The following SDCCAG8 variants were observed in gnomAD, a reference collection of about 807,000 sequenced individuals.
SDCCAG8 encodes the protein SHH signaling and ciliogenesis regulator SDCCAG8.
In SDCCAG8, 74 loss-of-function variants were observed where a neutral mutation model predicts 101.8. The observed-to-expected ratio is 0.73, with a 90% CI of 0.60 to 0.88. The LOEUF is 0.88. SDCCAG8 is among the 40% of genes least tolerant of loss of function. SDCCAG8 has a pLI of 0.00. For synonymous variants in SDCCAG8, 281 were observed against 292.9 expected (o/e 0.96, Z 0.41); for missense variants, 787 against 822.6 (o/e 0.96, Z 0.53).
At chr1:243,466,861 G>A (rs761239023) in intron 16 of SDCCAG8, among the ~76,000 whole-genome samples, 5 of 152,324 alleles carry the variant, frequency 3.3e-5, no homozygotes, top group South Asian at 4.1e-4. Context: ...GGTACAACCC[G>A]GGACTATTGC....
chr1:243,462,736 G>A (rs1659376603), intron 16 of SDCCAG8, among the ~76,000 whole-genome samples: 2 of 152,230 alleles, frequency 1.3e-5, no homozygotes, highest in Non-Finnish European at 2.9e-5. Flanking sequence ...AACAGCTTTA[G>A]CAATATCATA....
chr1:243,306,768 C>T lies in SDCCAG8; in HGVS notation c.741-1221C>T, dbSNP rs182796754. Among the ~76,000 whole-genome samples, 165 of 152,098 alleles carry T rather than the reference C, an allele frequency of 1.1e-3. 2 individuals carry two copies. Among genetic ancestry groups the T allele is most frequent in the African/African-American group, 3.9e-3 (161 of 41,502 alleles). Reference sequence around the variant, plus strand: ...GTTATTATTTTGGGGATAGGGTAGACGCAGCTCATTTTTCTTCCCCTCAAC... The same window carrying T: ...GTTATTATTTTGGGGATAGGGTAGATGCAGCTCATTTTTCTTCCCCTCAAC... On this transcript the variant is annotated intron_variant, in intron 7 of 17. Coordinates refer to ENST00000366541, the MANE Select transcript of SDCCAG8 (RefSeq NM_006642.5).
intron 13 of SDCCAG8, 136 bp from the exon 14 acceptor site, chr1:243,415,566 G>A: frequency 8.5e-7 from 1 of 1,172,160 alleles, no homozygotes; most frequent in East Asian, 2.4e-5. Context: ...AAGTGGGGGA[G>A]GGTCATTAGA....
intron 16 of SDCCAG8, among the ~76,000 whole-genome samples, chr1:243,457,520 A>G (rs2083854224): frequency 6.6e-6 from 1 of 152,144 alleles, no homozygotes; most frequent in Non-Finnish European, 1.5e-5. Flanking sequence ...GCTTCCCATT[A>G]TTGACTAGCA....
At chr1:243,310,656 T>C (rs1055526402) in intron 8 of SDCCAG8, among the ~76,000 whole-genome samples, 16 of 152,120 alleles carry the variant, frequency 1.1e-4, no homozygotes, top group Non-Finnish European at 2.9e-5. Context: ...TATTAAAAAA[T>C]AAATTCCCTT....
At chr1:243,273,569 T>C (rs2068271514) in intron 3 of SDCCAG8, among the ~76,000 whole-genome samples, 2 of 152,180 alleles carry the variant, frequency 1.3e-5, no homozygotes, top group African/African-American at 2.4e-5. Flanking sequence ...CAGAACACCA[T>C]ACACTTGAAT....
At chr1:243,287,622 A>G (rs960008694) in intron 5 of SDCCAG8, among the ~76,000 whole-genome samples, 7 of 152,078 alleles carry the variant, frequency 4.6e-5, no homozygotes, top group Admixed American at 4.6e-4. Flanking sequence ...GAAGATTTGT[A>G]TAATTATTAG....
intron 4 of SDCCAG8, among the ~76,000 whole-genome samples, chr1:243,281,814 T>C (rs12740033): frequency 0.29 from 44,457 of 151,614 alleles, 6,736 homozygotes; most frequent in South Asian, 0.52. Flanking sequence ...CTGGCTAATT[T>C]TTATGTTTTT....
Position 243,469,133 on chromosome 1 carries a change from A to G in SDCCAG8, c.1986-19881A>G, listed in dbSNP as rs1660721524. Among the ~76,000 whole-genome samples the G allele has an allele frequency of 2.0e-5, 3 of 152,230 alleles. 1 individual carries two copies. In the South Asian group the frequency reaches 6.2e-4, roughly 32 times the overall value. ...CAGATTTATCCTTCTACAAAGCCAC[A>G]TATCAATGATGATAACCTTGAGAAT... On this transcript the variant is annotated intron_variant, in intron 16 of 17. Coordinates refer to ENST00000366541, the MANE Select transcript of SDCCAG8 (RefSeq NM_006642.5).
intron 1 of SDCCAG8, among the ~76,000 whole-genome samples, chr1:243,264,986 T>A (rs2067475493): frequency 2.6e-5 from 4 of 152,204 alleles, no homozygotes; most frequent in African/African-American, 9.7e-5. Context: ...AACTGGAACC[T>A]TCTGTCTAAT....
chr1:243,442,996 A>G (rs138511537), intron 16 of SDCCAG8, among the ~76,000 whole-genome samples: 229 of 152,394 alleles, frequency 1.5e-3, no homozygotes, highest in African/African-American at 5.1e-3. Flanking sequence ...TTTAAATTCT[A>G]TAGAAAATAA....
chr1:243,469,365 G>T (rs1021249251), intron 16 of SDCCAG8, among the ~76,000 whole-genome samples: 1 of 152,070 alleles, frequency 6.6e-6, no homozygotes, highest in Admixed American at 6.6e-5. Flanking sequence ...GTACCACTAA[G>T]CCCTTGGCTA....
At chr1:243,462,743 C>G (rs1209545926) in intron 16 of SDCCAG8, among the ~76,000 whole-genome samples, 1 of 152,178 alleles carries the variant, frequency 6.6e-6, no homozygotes, top group Non-Finnish European at 1.5e-5. Flanking sequence ...TTAGCAATAT[C>G]ATAGTGCTGT....
chr1:243,402,156 G>A (rs1188950513), intron 13 of SDCCAG8, among the ~76,000 whole-genome samples: 7 of 152,046 alleles, frequency 4.6e-5, no homozygotes, highest in Non-Finnish European at 7.4e-5. Flanking sequence ...GGCTGGGCGC[G>A]GTAGCTCATG....
At chr1:243,378,050 A>G (rs1458901882) in intron 12 of SDCCAG8, among the ~76,000 whole-genome samples, 2 of 151,882 alleles carry the variant, frequency 1.3e-5, no homozygotes, top group Non-Finnish European at 2.9e-5. Context: ...ATAAACCTTC[A>G]TAAATTTTAT....
chr1:243,384,612 A>ACACACT (rs1333631053), intron 13 of SDCCAG8, among the ~76,000 whole-genome samples: 4 of 151,714 alleles, frequency 2.6e-5, no homozygotes, highest in Non-Finnish European at 5.9e-5. Flanking sequence ...ACACACACAC[A>ACACACT]CACTCACTCT....
Position 243,304,785 on chromosome 1 carries a change from G to A in SDCCAG8, c.740+8G>A. 6.6e-7 allele frequency: 1 copy of A among 1,519,890 alleles called. No homozygotes were observed. The highest frequency in any genetic ancestry group is 1.1e-5 in the South Asian group (1 of 89,074). 94.2% of individuals were successfully genotyped at this position (1,519,890 alleles called of 1,614,324 possible). The stretch of plus-strand genomic sequence containing the variant: ...CCAATTGAAGTTTTTGAGGTAAAGT[G>A]AAATCGTCCATTTATAGTCATACCA... On this transcript the variant is annotated splice_region_variant and intron_variant, in intron 7 of 17. Coordinates refer to ENST00000366541, the MANE Select transcript of SDCCAG8 (RefSeq NM_006642.5).
chr1:243,341,006 A>G (rs1382832274), intron 10 of SDCCAG8, 33 bp from the exon 11 acceptor site: 6 of 1,605,078 alleles, frequency 3.7e-6, no homozygotes, highest in African/African-American at 1.3e-5. Flanking sequence ...GTCAAATGAC[A>G]TTATTGTTTA....
chr1:243,405,784 T>C (rs984354099), intron 13 of SDCCAG8, among the ~76,000 whole-genome samples: 2 of 151,954 alleles, frequency 1.3e-5, no homozygotes, highest in South Asian at 4.1e-4. Flanking sequence ...GTCATACTTA[T>C]GAGATAAAAT....
Sources: gnomAD v4.1 joint callset for allele counts (sites outside exome capture counted in the v4.1 genomes callset) on GRCh38, gnomAD v4.1.1 for gene constraint, MANE v1.5 for transcripts, NCBI Gene and HGNC (gene_info 2026-07-23, HGNC 2026-07-21) for gene names.